Variants in STS observed in about 807,000 individuals in gnomAD.
STS encodes the protein steryl-sulfatase.
Under a neutral mutation model 26.8 loss-of-function variants are expected in STS, and 7 were observed. That is an observed-to-expected ratio of 0.26 (90% CI 0.15 to 0.49). The LOEUF (loss-of-function observed/expected upper bound fraction) is 0.49. STS is among the 20% of genes least tolerant of loss of function. The pLI is 0.98. For missense variants in STS, 434 were observed against 465.6 expected, an observed-to-expected ratio of 0.93 and a Z score of 0.63; for synonymous variants, 199 against 189.4, an observed-to-expected ratio of 1.05 and a Z score of -0.42.
At chrX:7,152,174 G>C (rs918327870) in intron 1 of STS, among the ~76,000 whole-genome samples, 5 of 109,057 alleles carry the variant, frequency 4.6e-5, no homozygotes, top group Middle Eastern at 4.7e-3. Context: ...GGATGGTCTC[G>C]ATTTCCTGAC....
At chrX:7,215,001 CAT>C (rs1336070175) in intron 2 of STS, among the ~76,000 whole-genome samples, 1 of 54,711 alleles carries the variant, frequency 1.8e-5, no homozygotes, top group African/African-American at 7.1e-5. Flanking sequence ...CGTATATATA[CAT>C]ATATACGTAT....
chrX:7,173,552 G>A (rs1441641849), intron 1 of STS, among the ~76,000 whole-genome samples: 4 of 111,948 alleles, frequency 3.6e-5, no homozygotes, highest in East Asian at 2.8e-4. Context: ...TTTACATTCC[G>A]ACCAACAGTG....
At position 7,194,576 on chromosome X, in the gene STS, T is replaced by G. The variant is rs760300087; in HGVS notation, c.-5+3568T>G. Among the ~76,000 whole-genome samples the G allele has an allele frequency of 1.1e-3, 119 of 111,235 alleles. 2 individuals carry two copies. Among genetic ancestry groups the G allele is most frequent in the African/African-American group, 3.9e-3 (119 of 30,533 alleles). ...TTGGTCCCCGAACAAGGAGGGGTAG[T>G]TTTGGGAAGGGACTGTTGTCATCCT... is the stretch of plus-strand genomic sequence containing the variant. On this transcript the variant is annotated intron_variant, in intron 2 of 10. Coordinates refer to ENST00000674429, the MANE Select transcript of STS (RefSeq NM_001320752.2).
At chrX:7,205,313 T>TTTG (rs1934189255) in intron 2 of STS, among the ~76,000 whole-genome samples, 1 of 112,034 alleles carries the variant, frequency 8.9e-6, no homozygotes, top group Non-Finnish European at 1.9e-5. Flanking sequence ...TTCATCACGT[T>TTTG]TTGTTGTTCC....
chrX:7,217,113 C>T (rs990402190), intron 2 of STS, among the ~76,000 whole-genome samples: 11 of 110,755 alleles, frequency 9.9e-5, no homozygotes, highest in Non-Finnish European at 2.1e-4. Flanking sequence ...CAAGGGCCAG[C>T]GAGATTCCTC....
At chrX:7,159,308 T>TCATTGCCCAACC (rs1184608721) in intron 1 of STS, among the ~76,000 whole-genome samples, 2 of 111,591 alleles carry the variant, frequency 1.8e-5, no homozygotes, top group African/African-American at 6.5e-5. Context: ...GTAGCCCTGC[T>TCATTGCCCAACC]CATTGCCCAA....
intron 2 of STS, among the ~76,000 whole-genome samples, chrX:7,215,375 A>G (rs190988834): frequency 4.5e-4 from 49 of 109,882 alleles, no homozygotes; most frequent in African/African-American, 1.5e-3. Context: ...CTGGTATTCA[A>G]CTTCTTCAAA....
chrX:7,325,561 G>C lies in STS; in HGVS notation c.1241+63G>C, dbSNP rs138505159. 2.3e-4 allele frequency: 266 copies of C among 1,167,493 alleles called. 1 individual carries two copies. The East Asian group carries it at 5.0e-3, about 22-fold the overall frequency. On this transcript the variant is annotated intron_variant, in intron 9 of 10. Transcript: ENST00000674429. ...TGATTTCACAGCCCAGTATGCTCTGGTTTGCCTGCATAATGGTGTGGGGAC... is the reference window on the plus strand; with the variant it reads ...TGATTTCACAGCCCAGTATGCTCTGCTTTGCCTGCATAATGGTGTGGGGAC...
At chrX:7,289,675 A>C in intron 7 of STS, among the ~76,000 whole-genome samples, 1 of 110,842 alleles carries the variant, frequency 9.0e-6, no homozygotes, top group African/African-American at 3.3e-5. Flanking sequence ...TTTTTTCCTT[A>C]AGAGATGAGG....
intron 2 of STS, among the ~76,000 whole-genome samples, chrX:7,200,221 A>T (rs139610545): frequency 2.3e-4 from 25 of 110,540 alleles, no homozygotes; most frequent in African/African-American, 7.9e-4. Context: ...TTTACTGCTA[A>T]CTCCCCAAAT....
At chrX:7,323,644 T>C (rs1334068753) in intron 8 of STS, among the ~76,000 whole-genome samples, 2 of 112,188 alleles carry the variant, frequency 1.8e-5, no homozygotes, top group Admixed American at 9.5e-5. Context: ...CTGGATTAAT[T>C]TCATGTCTGC....
intron 8 of STS, among the ~76,000 whole-genome samples, chrX:7,323,672 C>A (rs1440803095): frequency 8.9e-6 from 1 of 111,830 alleles, no homozygotes; most frequent in Non-Finnish European, 1.9e-5. Context: ...AATAGTGCAG[C>A]AATGAACATA....
Position 7,275,940 on chromosome X carries a change from T to C in STS, c.807-11T>C, listed in dbSNP as rs1438100401. The C allele has an allele frequency of 7.0e-6, 8 of 1,151,079 alleles. No homozygotes were observed. The highest frequency in any genetic ancestry group is 6.6e-5 in the East Asian group (2 of 30,490). 94.9% of individuals were successfully genotyped at this position (1,151,079 alleles called of 1,213,427 possible). On this transcript the variant is annotated splice_polypyrimidine_tract_variant and intron_variant, in intron 6 of 10. Transcript: ENST00000674429. ...CTTTTTTTTCCTCCCTTTTTTTTTT[T>C]TTTTTTGCAGGAACACTGAGACTCC...
chrX:7,259,914 C>T (rs928404058), intron 6 of STS, 142 bp downstream of exon 6: 18 of 794,732 alleles, frequency 2.3e-5, no homozygotes, highest in Admixed American at 7.9e-5. Flanking sequence ...CTTGCTCTGT[C>T]GCCCAGGCTG....
intron 7 of STS, among the ~76,000 whole-genome samples, chrX:7,298,520 G>T (rs765624367): frequency 9.0e-6 from 1 of 111,475 alleles, no homozygotes; most frequent in Admixed American, 9.6e-5. Flanking sequence ...ATACCCTGAT[G>T]TATGGGACAT....
intron 2 of STS, chrX:7,219,620 G>C: frequency 1.7e-6 from 2 of 1,210,840 alleles, no homozygotes; most frequent in Non-Finnish European, 1.1e-6. Context: ...AACAAGTGAA[G>C]TTGCAATCTC....
chrX:7,169,716 T>A (rs1329151539), intron 1 of STS, among the ~76,000 whole-genome samples: 2 of 112,148 alleles, frequency 1.8e-5, no homozygotes, highest in Non-Finnish European at 3.8e-5. Context: ...AGAACTTGTG[T>A]TGAGGAGAAA....
At chrX:7,333,898 G>T in intron 9 of STS, 88 bp from the exon 10 acceptor site, 4 of 1,174,492 alleles carry the variant, frequency 3.4e-6, no homozygotes, top group South Asian at 3.6e-5. Context: ...ATTACGACTG[G>T]AGCTCCCTCA....
chrX:7,284,924 G>T (rs1925051877), intron 7 of STS, among the ~76,000 whole-genome samples: 1 of 111,085 alleles, frequency 9.0e-6, no homozygotes, highest in Admixed American at 9.6e-5. Flanking sequence ...TTGTGTTGAT[G>T]GTGATGGTGA....
Sources: allele counts gnomAD v4.1 joint callset (sites outside exome capture counted in the v4.1 genomes callset), GRCh38; gene constraint gnomAD v4.1.1; transcripts MANE v1.5; gene names NCBI Gene and HGNC (gene_info 2026-07-23, HGNC 2026-07-21).